Variants in PTPRO observed in about 807,000 individuals in gnomAD.
The protein encoded by PTPRO is receptor-type tyrosine-protein phosphatase O.
In PTPRO, 62 loss-of-function variants were observed where a neutral mutation model predicts 145.2. The observed-to-expected ratio is 0.43, with a 90% CI of 0.35 to 0.53. The LOEUF is 0.53. PTPRO is among the 20% of genes least tolerant of loss of function. PTPRO has a pLI of 0.01. For missense variants in PTPRO, 1,345 were observed against 1,482.7 expected, an observed-to-expected ratio of 0.91 and a Z score of 1.53; for synonymous variants, 565 against 514.7, an observed-to-expected ratio of 1.10 and a Z score of -1.32.
At chr12:15,346,157 T>C (rs965971623) in intron 1 of PTPRO, among the ~76,000 whole-genome samples, 1 of 152,208 alleles carries the variant, frequency 6.6e-6, no homozygotes, top group Non-Finnish European at 1.5e-5. Context: ...GACAAACATA[T>C]AAACTGCTTA....
At chr12:15,414,769 CTAAT>C (rs950783037) in intron 1 of PTPRO, among the ~76,000 whole-genome samples, 1 of 152,152 alleles carries the variant, frequency 6.6e-6, no homozygotes, top group Non-Finnish European at 1.5e-5. Context: ...AAAGTATAGA[CTAAT>C]TGTTTATTTT....
chr12:15,545,380 C>T (rs946432807), intron 12 of PTPRO, among the ~76,000 whole-genome samples: 2 of 151,496 alleles, frequency 1.3e-5, no homozygotes, highest in East Asian at 2.0e-4. Flanking sequence ...GGTCTGAGAG[C>T]AGGTAACAGG....
intron 6 of PTPRO, among the ~76,000 whole-genome samples, chr12:15,508,218 A>G (rs889769548): frequency 1.3e-5 from 2 of 152,206 alleles, no homozygotes; most frequent in African/African-American, 4.8e-5. Context: ...CTAGTAGCAA[A>G]GGAATAATAA....
intron 23 of PTPRO, among the ~76,000 whole-genome samples, chr12:15,586,448 T>C (rs1483879396): frequency 6.6e-6 from 1 of 152,222 alleles, no homozygotes; most frequent in Non-Finnish European, 1.5e-5. Context: ...AGGCATTTTC[T>C]ATCGAGGCAG....
intron 7 of PTPRO, among the ~76,000 whole-genome samples, chr12:15,512,268 C>A (rs757893664): frequency 1.3e-5 from 2 of 152,068 alleles, no homozygotes; most frequent in Non-Finnish European, 2.9e-5. Context: ...AAGTGAGCCA[C>A]CACGCCTCAC....
At chr12:15,429,760 A>G (rs1037485562) in intron 1 of PTPRO, among the ~76,000 whole-genome samples, 18 of 152,196 alleles carry the variant, frequency 1.2e-4, no homozygotes, top group Non-Finnish European at 2.6e-4. Flanking sequence ...CAATGTAGAA[A>G]ACAACTGGAT....
chr12:15,426,537 T>G (rs989072371), intron 1 of PTPRO, among the ~76,000 whole-genome samples: 5 of 152,090 alleles, frequency 3.3e-5, no homozygotes, highest in African/African-American at 1.2e-4. Context: ...AGTTTGATTT[T>G]TATTCCTAGA....
At chr12:15,493,703 A>T (rs1290423113) in intron 2 of PTPRO, among the ~76,000 whole-genome samples, 4 of 152,184 alleles carry the variant, frequency 2.6e-5, no homozygotes, top group East Asian at 3.8e-4. Context: ...ATAGATATGT[A>T]AATTGCCCTA....
At chr12:15,587,515 A>G (rs1944454686) in intron 24 of PTPRO, among the ~76,000 whole-genome samples, 1 of 152,236 alleles carries the variant, frequency 6.6e-6, no homozygotes, top group South Asian at 2.1e-4. Context: ...CTAGAAAAGG[A>G]AAAGAAAAAT....
At chr12:15,527,118 C>T (rs946873274) in intron 12 of PTPRO, among the ~76,000 whole-genome samples, 2 of 152,054 alleles carry the variant, frequency 1.3e-5, no homozygotes, top group Admixed American at 6.6e-5. Context: ...CAACAGAAAA[C>T]CAAAAGCAAA....
intron 1 of PTPRO, among the ~76,000 whole-genome samples, chr12:15,478,779 C>A (rs933152488): frequency 1.3e-5 from 2 of 152,130 alleles, no homozygotes; most frequent in Admixed American, 6.5e-5. Flanking sequence ...TCACCCCATT[C>A]TCCTGCCTCA....
At chr12:15,567,180 T>A (rs1448232488) in intron 18 of PTPRO, among the ~76,000 whole-genome samples, 1 of 152,134 alleles carries the variant, frequency 6.6e-6, no homozygotes, top group Non-Finnish European at 1.5e-5. Context: ...CAATTCGGCT[T>A]CCACCTTCCC....
At chr12:15,336,229 GT>G (rs1399824256) in intron 1 of PTPRO, among the ~76,000 whole-genome samples, 2 of 135,742 alleles carry the variant, frequency 1.5e-5, no homozygotes, top group Admixed American at 1.5e-4. Context: ...GAGTGTGTAT[GT>G]TAAAAAAAAA....
At chr12:15,465,522 T>G (rs925006428) in intron 1 of PTPRO, among the ~76,000 whole-genome samples, 8 of 152,180 alleles carry the variant, frequency 5.3e-5, no homozygotes, top group African/African-American at 1.9e-4. Context: ...TGCCAATTAG[T>G]AGAGTTGTAT....
chr12:15,586,846 C>T (rs752485344), intron 23 of PTPRO, 51 bp from the exon 24 acceptor site: 4 of 1,609,534 alleles, frequency 2.5e-6, no homozygotes, highest in Non-Finnish European at 2.6e-6. Flanking sequence ...CTGGGTCATC[C>T]TAACAGTGAA....
chr12:15,534,857 A>G (rs961486232), intron 12 of PTPRO, among the ~76,000 whole-genome samples: 3 of 152,236 alleles, frequency 2.0e-5, no homozygotes, highest in Non-Finnish European at 4.4e-5. Flanking sequence ...GAACTAATTA[A>G]GGGGCTATTT....
At chr12:15,408,856 GT>G (rs1221847423) in intron 1 of PTPRO, among the ~76,000 whole-genome samples, 9 of 152,126 alleles carry the variant, frequency 5.9e-5, no homozygotes, top group Middle Eastern at 3.4e-3. Flanking sequence ...ATCTTTAACC[GT>G]AAAATGAAGT....
rs756776270 is a variant in PTPRO, at chr12:15,322,786, C to T, written c.60C>T (p.Leu20=). 5 of 1,612,708 alleles carry T rather than the reference C, an allele frequency of 3.1e-6. No homozygotes were observed. Among genetic ancestry groups the T allele is most frequent in the Non-Finnish European group, 4.2e-6 (5 of 1,179,572 alleles). Residue 20 remains leucine (L), a synonymous_variant, in exon 1 of 27, where the codon CTC becomes CTT. Coordinates refer to ENST00000281171, the MANE Select transcript of PTPRO (RefSeq NM_030667.3). This position sits in a 1 kb window ranked among gnomAD's most constrained non-coding sequence, Gnocchi z 6.3. ...GARRLLPLLW[L]FVLFKNATAF... ...GCCGCCTCCTGCCTCTGCTCTGGCT[C>T]TTTGTGCTGTTCAAGGTAGGGGAGC...
intron 10 of PTPRO, 149 bp downstream of exon 10, chr12:15,520,461 A>G: frequency 1.6e-6 from 1 of 643,674 alleles, no homozygotes; most frequent in South Asian, 1.8e-5. Context: ...CTGATCATTC[A>G]TTATTTTGTT....
Sources: gnomAD v4.1 joint callset for allele counts (sites outside exome capture counted in the v4.1 genomes callset) on GRCh38, gnomAD v4.1.1 for gene constraint, Gnocchi (gnomAD v3.1) non-coding constraint, MANE v1.5 for transcripts, NCBI Gene and HGNC (gene_info 2026-07-23, HGNC 2026-07-21) for gene names.